The following CFAP20DC variants were observed in gnomAD, a reference collection of about 807,000 sequenced individuals.
CFAP20DC encodes the protein protein CFAP20DC.
Under a neutral mutation model 101.7 loss-of-function variants are expected in CFAP20DC, and 84 were observed. The observed-to-expected ratio is 0.83, with a 90% CI of 0.69 to 0.99. The LOEUF (loss-of-function observed/expected upper bound fraction) is 0.99, where lower values mean the gene tolerates loss of function less well. Among genes scored for constraint, CFAP20DC ranks in the 50% least tolerant of loss-of-function variants. The pLI, the probability that CFAP20DC is intolerant of heterozygous loss-of-function variation, is 0.00. For synonymous variants in CFAP20DC, 359 were observed against 351.2 expected (o/e 1.02, Z -0.25); for missense variants, 1,007 against 970.3 (o/e 1.04, Z -0.50).
Position 59,014,874 on chromosome 3 carries a change from C to T in CFAP20DC, c.278+24683G>A, listed in dbSNP as rs1190122901. Among the ~76,000 whole-genome samples the T allele has an allele frequency of 5.3e-5, 8 of 152,120 alleles. No homozygotes were observed. The highest frequency in any genetic ancestry group is 1.7e-4 in the African/African-American group (7 of 41,416). ...AGGCTCCGTGGTGAGCATCTCCTCC[C>T]AGCTCCACATTCAGTGATGTCAGAT... On this transcript the variant is annotated intron_variant, in intron 4 of 16. Coordinates refer to ENST00000482387, the MANE Select transcript of CFAP20DC (RefSeq NM_001394063.1). This position sits in a 1 kb window ranked among gnomAD's most constrained non-coding sequence, Gnocchi z 4.9.
chr3:58,727,773 CTT>C (rs1458012685), intron 3 of CFAP20DC: 1 of 152,206 alleles, frequency 6.6e-6, no homozygotes, highest in African/African-American at 2.4e-5. Flanking sequence ...GTTGCTCTCT[CTT>C]GACTTCAATC....
At chr3:58,812,124 G>T (rs1451622605) in intron 14 of CFAP20DC, among the ~76,000 whole-genome samples, 1 of 152,072 alleles carries the variant, frequency 6.6e-6, no homozygotes, top group African/African-American at 2.4e-5. Context: ...AAACTAGCTC[G>T]ACCATTGTGG....
At chr3:58,998,585 T>C (rs1265744302) in intron 4 of CFAP20DC, among the ~76,000 whole-genome samples, 1 of 152,144 alleles carries the variant, frequency 6.6e-6, no homozygotes, top group African/African-American at 2.4e-5. Context: ...GACTACATTA[T>C]TAATCACAAA....
intron 14 of CFAP20DC, among the ~76,000 whole-genome samples, chr3:58,813,629 A>G (rs545098906): frequency 4.4e-4 from 67 of 151,984 alleles, no homozygotes; most frequent in African/African-American, 1.4e-3. Flanking sequence ...TCAAAATATT[A>G]ATGATGTAGG....
rs1206989438 is a variant in CFAP20DC at position 58,729,704 on chromosome 3, T to C, written c.198-12076A>G. On this transcript the variant is annotated intron_variant, in intron 3 of 3. Transcript: ENST00000486145. The surrounding 1 kb of genome is among the most constrained non-coding windows in gnomAD (Gnocchi z 4.4). ...TGTTCCCAATGCAAGGCCTGGTCTA[T>C]ACCAAATTAGTCTGCTATTATTGAA... Among the ~76,000 whole-genome samples the C allele has an allele frequency of 6.6e-6, 1 of 152,190 alleles. No homozygotes were observed. Among genetic ancestry groups the C allele is most frequent in the Non-Finnish European group, 1.5e-5 (1 of 68,030 alleles).
At chr3:59,005,774 C>T (rs1388215585) in intron 4 of CFAP20DC, among the ~76,000 whole-genome samples, 3 of 151,692 alleles carry the variant, frequency 2.0e-5, no homozygotes, top group Non-Finnish European at 4.4e-5. Flanking sequence ...CTTTGGTGGT[C>T]GATAGAGACT....
intron 7 of CFAP20DC, among the ~76,000 whole-genome samples, chr3:58,878,646 A>C (rs2080960986): frequency 6.6e-6 from 1 of 152,210 alleles, no homozygotes; most frequent in South Asian, 2.1e-4. Flanking sequence ...AAGAGAAGAA[A>C]GCTTCCCAGG....
At chr3:58,828,095 G>C (rs950436415) in intron 14 of CFAP20DC, among the ~76,000 whole-genome samples, 1 of 152,182 alleles carries the variant, frequency 6.6e-6, no homozygotes, top group African/African-American at 2.4e-5. Context: ...GGTGCAGTGA[G>C]AGATGAGGCT....
Position 58,894,824 on chromosome 3 carries a change from C to T in CFAP20DC, c.551-10115G>A, listed in dbSNP as rs182278059. 4.9e-4 allele frequency among the ~76,000 whole-genome samples: 74 copies of T among 152,340 alleles called. 2 individuals are homozygous for T. Among genetic ancestry groups the T allele is most frequent in the Admixed American group, 2.6e-3 (40 of 15,304 alleles). ...ACAAACTTGTGCCTGGGCATCCAGGCGTTTCCATATGTCCTCTGAAATCAA... is the reference window on the plus strand; with the variant it reads ...ACAAACTTGTGCCTGGGCATCCAGGTGTTTCCATATGTCCTCTGAAATCAA... On this transcript the variant is annotated intron_variant, in intron 6 of 16. Coordinates refer to ENST00000482387, the MANE Select transcript of CFAP20DC (RefSeq NM_001394063.1). The surrounding 1 kb of genome is among the most constrained non-coding windows in gnomAD (Gnocchi z 4.1).
At chr3:58,762,386 C>T (rs2069716404) in intron 15 of CFAP20DC, among the ~76,000 whole-genome samples, 2 of 152,106 alleles carry the variant, frequency 1.3e-5, no homozygotes, top group African/African-American at 4.8e-5. Context: ...TTTCCATTTG[C>T]TTGGTAGATC....
At chr3:58,770,382 C>T (rs569622453) in intron 15 of CFAP20DC, among the ~76,000 whole-genome samples, 11 of 152,232 alleles carry the variant, frequency 7.2e-5, no homozygotes, top group South Asian at 2.1e-4. Context: ...ACATGGTTCC[C>T]GCCTTTGAGG....
intron 15 of CFAP20DC, among the ~76,000 whole-genome samples, chr3:58,805,538 T>C (rs1433357694): frequency 1.3e-5 from 2 of 152,234 alleles, no homozygotes; most frequent in Non-Finnish European, 2.9e-5. Flanking sequence ...TCAGACACCA[T>C]GCAATAGTTA....
intron 4 of CFAP20DC, among the ~76,000 whole-genome samples, chr3:58,956,278 C>A (rs1384448855): frequency 6.6e-6 from 1 of 151,886 alleles, no homozygotes; most frequent in Non-Finnish European, 1.5e-5. Flanking sequence ...TCTGAATCTT[C>A]CCTAGGCCAG....
intron 13 of CFAP20DC, among the ~76,000 whole-genome samples, chr3:58,846,239 T>C (rs1311121125): frequency 1.1e-4 from 17 of 151,912 alleles, no homozygotes; most frequent in East Asian, 3.9e-4. Context: ...TGTTTGCAGA[T>C]GACATGATTG....
In CFAP20DC at chr3:59,032,709, T is replaced by C. The variant is rs572672642; in HGVS notation, c.278+6848A>G. 4.6e-5 allele frequency among the ~76,000 whole-genome samples: 7 copies of C among 152,210 alleles called. No individual in the cohort carries two copies. In the East Asian group the frequency reaches 1.2e-3, roughly 25 times the overall value. ...GGCAGCAGCCCCAGTCAGGCACTTA[T>C]AGATAAAACCCCCATCTTCCTGGGA... On this transcript the variant is annotated intron_variant, in intron 4 of 16. Coordinates refer to ENST00000482387, the MANE Select transcript of CFAP20DC (RefSeq NM_001394063.1).
At chr3:58,734,764 T>C (rs948118707) in intron 3 of CFAP20DC, among the ~76,000 whole-genome samples, 1 of 152,142 alleles carries the variant, frequency 6.6e-6, no homozygotes. Flanking sequence ...CACCTCACTG[T>C]GCATCCACTG....
At chr3:58,932,705 T>G (rs950378359) in intron 5 of CFAP20DC, among the ~76,000 whole-genome samples, 1 of 152,114 alleles carries the variant, frequency 6.6e-6, no homozygotes, top group African/African-American at 2.4e-5. Flanking sequence ...ATAAAATCCT[T>G]TACAGACAAG....
chr3:58,890,206 A>G, intron 6 of CFAP20DC, among the ~76,000 whole-genome samples: 2 of 130,774 alleles, frequency 1.5e-5, no homozygotes, highest in African/African-American at 3.0e-5. Flanking sequence ...TCCCTCCCGG[A>G]CGGGGCGGCT....
intron 13 of CFAP20DC, among the ~76,000 whole-genome samples, chr3:58,843,310 G>A (rs1430286032): frequency 6.6e-6 from 1 of 151,818 alleles, no homozygotes; most frequent in Non-Finnish European, 1.5e-5. Flanking sequence ...ATACAGAGAA[G>A]TGCTTAAAGG....
Sources: allele counts gnomAD v4.1 joint callset (sites outside exome capture counted in the v4.1 genomes callset), GRCh38; gene constraint gnomAD v4.1.1; non-coding constraint Gnocchi (gnomAD v3.1); transcripts MANE v1.5; gene names NCBI Gene and HGNC (gene_info 2026-07-23, HGNC 2026-07-21).